ADGRG6: variants seen among roughly 807,000 people sequenced by gnomAD.
ADGRG6 encodes adhesion G protein-coupled receptor G6, also known as G-protein coupled receptor 126.
A neutral mutation model predicts 142.4 loss-of-function variants in ADGRG6; 84 were observed. The ratio of observed to expected loss-of-function variants is 0.59; its 90% confidence interval spans 0.49 to 0.71. The LOEUF is 0.71. ADGRG6 is among the 30% of genes least tolerant of loss of function. The pLI is 0.00. For synonymous variants in ADGRG6, 521 were observed against 520.5 expected (o/e 1.00, Z -0.01); for missense variants, 1,367 against 1,466.6 (o/e 0.93, Z 1.11).
chr6:142,404,088 T>C, intron 14 of ADGRG6, 115 bp downstream of exon 14: 1 of 772,330 alleles, frequency 1.3e-6, no homozygotes. Context: ...TGGCAAGGTC[T>C]GAATGTTGGC....
chr6:142,383,164 C>G (rs921325375), intron 5 of ADGRG6, among the ~76,000 whole-genome samples: 1 of 152,052 alleles, frequency 6.6e-6, no homozygotes, highest in African/African-American at 2.4e-5. Context: ...AAATGTCTCC[C>G]TTATAAAGCT....
chr6:142,402,076 CTTTA>C lies in ADGRG6; in HGVS notation c.1744+22_1744+25del. 1 of 1,336,458 alleles carries C rather than the reference CTTTA, an allele frequency of 7.5e-7. No individual in the cohort carries two copies. The highest frequency in any genetic ancestry group is 1.1e-6 in the Non-Finnish European group (1 of 946,856). 82.8% of individuals were successfully genotyped at this position (1,336,458 alleles called of 1,614,324 possible). On this transcript the variant is annotated intron_variant, in intron 12 of 24. Coordinates refer to ENST00000367609, the MANE Select transcript of ADGRG6 (RefSeq NM_198569.3). The stretch of plus-strand genomic sequence containing the variant: ...CTGTTTAAGTAAGTGAGCAGTTTTC[CTTTA>C]TTTCTCAAGGACAAAATGACATGAC...
chr6:142,337,145 G>A (rs1351541200), intron 2 of ADGRG6, among the ~76,000 whole-genome samples: 1 of 152,152 alleles, frequency 6.6e-6, no homozygotes, highest in Non-Finnish European at 1.5e-5. Flanking sequence ...CTTGCCATTA[G>A]CATCCTTTAA....
chr6:142,385,658 C>A (rs1013727439), intron 6 of ADGRG6, among the ~76,000 whole-genome samples: 2 of 152,086 alleles, frequency 1.3e-5, no homozygotes, highest in Non-Finnish European at 2.9e-5. Flanking sequence ...TCCCTGTATC[C>A]TATTGCCTTC....
At chr6:142,408,585 T>G (rs924546791) in intron 16 of ADGRG6, among the ~76,000 whole-genome samples, 1 of 152,148 alleles carries the variant, frequency 6.6e-6, no homozygotes, top group African/African-American at 2.4e-5. Flanking sequence ...ATTCTGCCAA[T>G]AGAGGTTTTG....
intron 5 of ADGRG6, among the ~76,000 whole-genome samples, chr6:142,383,223 A>G (rs1781853981): frequency 6.6e-6 from 1 of 152,180 alleles, no homozygotes; most frequent in Non-Finnish European, 1.5e-5. Flanking sequence ...AACTTTTTGG[A>G]ATCTTTAAAT....
intron 2 of ADGRG6, among the ~76,000 whole-genome samples, chr6:142,310,506 G>T (rs748556382): frequency 3.3e-5 from 5 of 151,420 alleles, no homozygotes; most frequent in East Asian, 1.9e-4. Context: ...ATTTAATCAA[G>T]ATTTATTAAT....
At chr6:142,351,163 C>T (rs1233972803) in intron 2 of ADGRG6, among the ~76,000 whole-genome samples, 7 of 152,086 alleles carry the variant, frequency 4.6e-5, no homozygotes, top group Admixed American at 2.0e-4. Context: ...ACTCAGGAGG[C>T]GGAGCTTGCA....
At position 142,367,788 on chromosome 6, in the gene ADGRG6, C is replaced by G. The variant is rs769227436; in HGVS notation, c.323C>G (p.Thr108Ser). 6.2e-7 allele frequency: 1 copy of G among 1,613,670 alleles called. No individual in the cohort carries two copies. The highest frequency in any genetic ancestry group is 1.7e-5 in the Admixed American group (1 of 59,990). The change falls in exon 3 of 25, where the codon ACT (threonine) becomes AGT (serine). Residue 108 changes from threonine (T) to serine (S), a missense_variant. This residue lies in a region of ADGRG6 where 737 missense variants were observed against 746.5 expected (regional missense o/e 0.99). Transcript: ENST00000367609. The part of the protein sequence containing the change: ...SLSLDNGESQ[T>S]KFCGATAKGL... Reference sequence around the variant, plus strand: ...TCCCTTGATAATGGAGAGAGCCAGACTAAATTTTGTGGAGCAACTGCCAAA... The same window carrying G: ...TCCCTTGATAATGGAGAGAGCCAGAGTAAATTTTGTGGAGCAACTGCCAAA...
intron 22 of ADGRG6, among the ~76,000 whole-genome samples, chr6:142,425,664 A>G (rs962106087): frequency 7.9e-5 from 12 of 152,106 alleles, no homozygotes; most frequent in Non-Finnish European, 1.8e-4. Flanking sequence ...GTGTGGGAGC[A>G]TGTGTTTGAG....
At chr6:142,330,935 TA>T (rs971488319) in intron 2 of ADGRG6, among the ~76,000 whole-genome samples, 11 of 150,930 alleles carry the variant, frequency 7.3e-5, no homozygotes, top group African/African-American at 2.2e-4. Context: ...ATTGTTTCTT[TA>T]AAAAAAAAGC....
At chr6:142,309,466 A>G in intron 1 of ADGRG6, 78 bp from the exon 2 acceptor site, 2 of 955,578 alleles carry the variant, frequency 2.1e-6, no homozygotes, top group Non-Finnish European at 3.1e-6. Context: ...CCTACTGGAA[A>G]CCTATAGTTT....
chr6:142,401,336 A>G (rs1775513080), intron 11 of ADGRG6, among the ~76,000 whole-genome samples: 1 of 152,204 alleles, frequency 6.6e-6, no homozygotes. Flanking sequence ...ACCAAATTCC[A>G]TTTAATCTTC....
chr6:142,337,567 T>G (rs1369560521), intron 2 of ADGRG6, among the ~76,000 whole-genome samples: 2 of 152,098 alleles, frequency 1.3e-5, no homozygotes, highest in African/African-American at 4.8e-5. Context: ...GATTGGTTAT[T>G]TGTGGAAAGC....
intron 2 of ADGRG6, among the ~76,000 whole-genome samples, chr6:142,351,409 A>G (rs1427382569): frequency 1.3e-5 from 2 of 152,128 alleles, no homozygotes; most frequent in African/African-American, 4.8e-5. Context: ...GCACACCTAC[A>G]ACCACCTGAT....
At chr6:142,312,503 T>C (rs1193073128) in intron 2 of ADGRG6, among the ~76,000 whole-genome samples, 2 of 152,034 alleles carry the variant, frequency 1.3e-5, no homozygotes, top group Non-Finnish European at 2.9e-5. Context: ...ACCATAGAAG[T>C]ATGCCTTAAA....
intron 9 of ADGRG6, among the ~76,000 whole-genome samples, 195 bp from the exon 10 acceptor site, chr6:142,397,418 G>T (rs1775256549): frequency 6.6e-6 from 1 of 152,098 alleles, no homozygotes; most frequent in Non-Finnish European, 1.5e-5. Flanking sequence ...ATAGCCTATA[G>T]AATCTATTAA....
intron 22 of ADGRG6, among the ~76,000 whole-genome samples, chr6:142,427,871 C>G (rs922835359): frequency 2.0e-5 from 3 of 152,238 alleles, no homozygotes; most frequent in Middle Eastern, 6.8e-3. Context: ...TTCACTATCA[C>G]GAGAACAGCC....
At chr6:142,379,638 G>C (rs1781663529) in intron 4 of ADGRG6, among the ~76,000 whole-genome samples, 1 of 152,092 alleles carries the variant, frequency 6.6e-6, no homozygotes, top group South Asian at 2.1e-4. Flanking sequence ...GTGGTGACGG[G>C]CGCCTGTAGT....
Sources: gnomAD v4.1 joint callset for allele counts (sites outside exome capture counted in the v4.1 genomes callset) on GRCh38, gnomAD v4.1.1 for gene constraint, gnomAD v4.1.1 regional missense constraint, MANE v1.5 for transcripts, NCBI Gene and HGNC (gene_info 2026-07-23, HGNC 2026-07-21) for gene names.